The following GPC3 variants were observed in gnomAD, a reference collection of about 807,000 sequenced individuals.
The protein encoded by GPC3 is glypican 3.
GPC3 carries 3 observed loss-of-function variants against 34.4 expected under a neutral mutation model. That is an observed-to-expected ratio of 0.09 (90% CI 0.04 to 0.23). GPC3 has a LOEUF of 0.23. GPC3 is among the 10% of genes least tolerant of loss of function. GPC3 has a pLI of 1.00. For synonymous variants in GPC3, 177 were observed against 174.0 expected, an observed-to-expected ratio of 1.02 and a Z score of -0.13; for missense variants, 351 against 445.6, an observed-to-expected ratio of 0.79 and a Z score of 1.91.
intron 2 of GPC3, among the ~76,000 whole-genome samples, chrX:133,823,391 A>G (rs750231692): frequency 9.0e-6 from 1 of 111,043 alleles, no homozygotes; most frequent in Admixed American, 9.6e-5. Context: ...GAGAATTCAT[A>G]GCCACTGAAA....
chrX:133,608,794 T>A (rs930444803), intron 6 of GPC3, among the ~76,000 whole-genome samples: 13 of 111,705 alleles, frequency 1.2e-4, no homozygotes, highest in Non-Finnish European at 2.3e-4. Flanking sequence ...TATAAATAGG[T>A]TTTCGGTGAG....
chrX:133,898,987 C>A (rs368680260), intron 2 of GPC3, among the ~76,000 whole-genome samples: 1 of 111,949 alleles, frequency 8.9e-6, no homozygotes, highest in East Asian at 2.8e-4. Flanking sequence ...TACTGAGAGT[C>A]AACTTCCCAT....
intron 2 of GPC3, among the ~76,000 whole-genome samples, chrX:133,872,588 G>A (rs770134932): frequency 3.6e-5 from 4 of 111,727 alleles, no homozygotes; most frequent in Non-Finnish European, 7.5e-5. Flanking sequence ...AACCTTGAGA[G>A]GGATGGGGAT....
chrX:133,791,344 G>A (rs1342049586), intron 2 of GPC3, among the ~76,000 whole-genome samples: 1 of 111,354 alleles, frequency 9.0e-6, no homozygotes, highest in Non-Finnish European at 1.9e-5. Context: ...TTGAGCAATA[G>A]AGTGCCATTA....
At chrX:133,648,263 T>C (rs2070563597) in intron 6 of GPC3, among the ~76,000 whole-genome samples, 1 of 3,040 alleles carries the variant, frequency 3.3e-4, no homozygotes, top group Admixed American at 4.2e-3. Flanking sequence ...ACTATGAGGT[T>C]TTTTTTTTTT....
intron 6 of GPC3, among the ~76,000 whole-genome samples, chrX:133,622,051 G>A (rs1433051273): frequency 2.7e-5 from 3 of 112,014 alleles, no homozygotes; most frequent in African/African-American, 9.7e-5. Flanking sequence ...GGTCTGGAGT[G>A]GACCTCCAGC....
chrX:133,860,618 T>C (rs1177286616), intron 2 of GPC3, among the ~76,000 whole-genome samples: 1 of 111,867 alleles, frequency 8.9e-6, no homozygotes, highest in African/African-American at 3.3e-5. Flanking sequence ...AAACTAAGCC[T>C]GAGACAGATG....
intron 2 of GPC3, among the ~76,000 whole-genome samples, chrX:133,828,996 T>G (rs2075763104): frequency 8.9e-6 from 1 of 111,806 alleles, no homozygotes; most frequent in Non-Finnish European, 1.9e-5. Flanking sequence ...ATAAAGTAAC[T>G]GAATTAAATT....
intron 2 of GPC3, among the ~76,000 whole-genome samples, chrX:133,780,092 T>C (rs959065673): frequency 9.0e-6 from 1 of 111,536 alleles, no homozygotes; most frequent in Admixed American, 9.5e-5. Flanking sequence ...GGCTGGGAAA[T>C]GACCTAGACG....
At chrX:133,928,374 G>C in intron 2 of GPC3, among the ~76,000 whole-genome samples, 1 of 111,906 alleles carries the variant, frequency 8.9e-6, no homozygotes, top group Non-Finnish European at 1.9e-5. Flanking sequence ...ATGCAGCAAT[G>C]AACATTGGGA....
At chrX:133,775,013 C>A (rs1374181948) in intron 2 of GPC3, among the ~76,000 whole-genome samples, 2 of 111,940 alleles carry the variant, frequency 1.8e-5, no homozygotes, top group Non-Finnish European at 3.8e-5. Flanking sequence ...TTGACACATT[C>A]TTTCTTCTAC....
intron 2 of GPC3, among the ~76,000 whole-genome samples, chrX:133,825,527 G>T (rs1434577420): frequency 8.9e-6 from 1 of 112,125 alleles, no homozygotes; most frequent in African/African-American, 3.2e-5. Flanking sequence ...GGGGAGGAGG[G>T]AGGGTTGGGA....
intron 2 of GPC3, among the ~76,000 whole-genome samples, chrX:133,839,668 C>T (rs1193479632): frequency 9.1e-6 from 1 of 110,492 alleles, no homozygotes; most frequent in African/African-American, 3.3e-5. Context: ...TGGTGGCTTA[C>T]ACCTGTAATC....
intron 2 of GPC3, among the ~76,000 whole-genome samples, chrX:133,917,070 G>C (rs1287122624): frequency 1.8e-5 from 2 of 111,790 alleles, no homozygotes; most frequent in Admixed American, 9.5e-5. Flanking sequence ...CTACGCTAAA[G>C]AGTTGTTGTG....
intron 1 of GPC3, among the ~76,000 whole-genome samples, chrX:133,979,436 A>G (rs2076529150): frequency 8.9e-6 from 1 of 112,058 alleles, no homozygotes; most frequent in Admixed American, 9.5e-5. Flanking sequence ...TTTAAATTGC[A>G]AACAAGTATT....
At chrX:133,768,506 AG>A (rs1381694522) in intron 2 of GPC3, among the ~76,000 whole-genome samples, 2 of 111,410 alleles carry the variant, frequency 1.8e-5, no homozygotes, top group African/African-American at 3.3e-5. Context: ...TTGGATAAAG[AG>A]CCAGTACTAC....
At chrX:133,835,753 T>A (rs1188532331) in intron 2 of GPC3, among the ~76,000 whole-genome samples, 1 of 112,819 alleles carries the variant, frequency 8.9e-6, no homozygotes, top group Non-Finnish European at 1.9e-5. Flanking sequence ...TAGAAATTAC[T>A]TTTAAAATCT....
chrX:133,931,305 G>T (rs2076297487), intron 2 of GPC3, among the ~76,000 whole-genome samples: 1 of 111,856 alleles, frequency 8.9e-6, no homozygotes, highest in African/African-American at 3.3e-5. Flanking sequence ...GGTAGTCAGG[G>T]AAGGTGTCCT....
At chrX:133,982,314 A>G (rs991199337) in intron 1 of GPC3, among the ~76,000 whole-genome samples, 2 of 112,020 alleles carry the variant, frequency 1.8e-5, no homozygotes, top group African/African-American at 6.5e-5. Context: ...GCCAAATGCT[A>G]ACTCTGTGCG....
Sources: gnomAD v4.1 joint callset for allele counts (sites outside exome capture counted in the v4.1 genomes callset) on GRCh38, gnomAD v4.1.1 for gene constraint, MANE v1.5 for transcripts, NCBI Gene and HGNC (gene_info 2026-07-23, HGNC 2026-07-21) for gene names.